NPAS3: variants seen among roughly 807,000 people sequenced by gnomAD.
NPAS3 encodes the protein neuronal PAS domain protein 3.
Under a neutral mutation model 73.1 loss-of-function variants are expected in NPAS3, and 14 were observed. That is an observed-to-expected ratio of 0.19 (90% CI 0.13 to 0.30). The LOEUF (loss-of-function observed/expected upper bound fraction) is 0.30, where lower values mean the gene tolerates loss of function less well. Among genes scored for constraint, NPAS3 ranks in the 10% least tolerant of loss-of-function variants. The pLI is 1.00. For synonymous variants in NPAS3, 620 were observed against 541.5 expected, an observed-to-expected ratio of 1.14 and a Z score of -2.01; for missense variants, 1,096 against 1,250.0, an observed-to-expected ratio of 0.88 and a Z score of 1.86.
chr14:33,270,767 G>A (rs570306661), intron 3 of NPAS3, among the ~76,000 whole-genome samples: 6 of 152,254 alleles, frequency 3.9e-5, no homozygotes, highest in African/African-American at 1.4e-4. Context: ...ACAACCATGA[G>A]TTATTTGACA....
chr14:33,466,611 G>A (rs2050536702), intron 4 of NPAS3, among the ~76,000 whole-genome samples: 1 of 152,180 alleles, frequency 6.6e-6, no homozygotes, highest in Non-Finnish European at 1.5e-5. Flanking sequence ...GGCTCACAGT[G>A]CTACAGGCCA....
chr14:33,347,273 A>G (rs2044785249), intron 3 of NPAS3, among the ~76,000 whole-genome samples: 1 of 152,228 alleles, frequency 6.6e-6, no homozygotes, highest in Admixed American at 6.5e-5. Flanking sequence ...ATAATATCAG[A>G]CACTGTATCA....
At chr14:33,509,778 C>G (rs898961093) in intron 4 of NPAS3, among the ~76,000 whole-genome samples, 2 of 152,056 alleles carry the variant, frequency 1.3e-5, no homozygotes, top group Non-Finnish European at 2.9e-5. Flanking sequence ...GGCATGACTT[C>G]TGAAAGCTCT....
intron 3 of NPAS3, among the ~76,000 whole-genome samples, chr14:33,363,926 G>GTGTGTGTGTGTC (rs1382745451): frequency 6.6e-6 from 1 of 150,758 alleles, no homozygotes; most frequent in African/African-American, 2.4e-5. Context: ...TGCCCTCTGT[G>GTGTGTGTGTGTC]TGTGTGTGTG....
At chr14:33,068,130 C>G in intron 2 of NPAS3, among the ~76,000 whole-genome samples, 1 of 152,186 alleles carries the variant, frequency 6.6e-6, no homozygotes, top group Non-Finnish European at 1.5e-5. Flanking sequence ...CCTTTCTGGG[C>G]TGCTTCATAA....
At chr14:33,235,496 C>T (rs181988584) in intron 3 of NPAS3, among the ~76,000 whole-genome samples, 98 of 152,066 alleles carry the variant, frequency 6.4e-4, no homozygotes, top group African/African-American at 1.9e-3. Flanking sequence ...CTTGACGAAT[C>T]CTCTTTGGTG....
At chr14:33,728,248 C>T (rs928596379) in intron 6 of NPAS3, among the ~76,000 whole-genome samples, 7 of 152,170 alleles carry the variant, frequency 4.6e-5, no homozygotes, top group African/African-American at 1.7e-4. Flanking sequence ...CAGATAGTCC[C>T]AGGGAGTTTA....
At chr14:33,548,726 A>G (rs1404359371) in intron 4 of NPAS3, among the ~76,000 whole-genome samples, 1 of 152,198 alleles carries the variant, frequency 6.6e-6, no homozygotes, top group East Asian at 1.9e-4. Flanking sequence ...AATGCACACT[A>G]AGTTATACCT....
At chr14:33,059,271 T>C (rs955490013) in intron 2 of NPAS3, among the ~76,000 whole-genome samples, 1 of 152,216 alleles carries the variant, frequency 6.6e-6, no homozygotes, top group Non-Finnish European at 1.5e-5. Flanking sequence ...TAGATTTTAT[T>C]GGTAATTATT....
chr14:33,630,268 G>A (rs576780365), intron 5 of NPAS3, among the ~76,000 whole-genome samples: 2 of 152,242 alleles, frequency 1.3e-5, no homozygotes, highest in African/African-American at 4.8e-5. Flanking sequence ...ACAACTTGTG[G>A]AAAAGCTCTG....
chr14:33,399,619 A>G (rs73260709), intron 4 of NPAS3, among the ~76,000 whole-genome samples: 3,350 of 151,930 alleles, frequency 0.022, 128 homozygotes, highest in African/African-American at 0.077. Flanking sequence ...CCTTTCTACA[A>G]TATTGTCCTG....
intron 4 of NPAS3, among the ~76,000 whole-genome samples, chr14:33,513,347 G>A (rs1256910801): frequency 6.6e-6 from 1 of 151,934 alleles, no homozygotes; most frequent in Non-Finnish European, 1.5e-5. Flanking sequence ...TTAGAATTCT[G>A]TTATAAGACT....
chr14:33,678,754 GAA>G (rs33960834), intron 6 of NPAS3, among the ~76,000 whole-genome samples: 1 of 146,330 alleles, frequency 6.8e-6, no homozygotes, highest in African/African-American at 2.5e-5. Flanking sequence ...GACTTTGGGA[GAA>G]AAAAAAAAAA....
At chr14:33,582,974 T>G (rs1463022154) in intron 5 of NPAS3, among the ~76,000 whole-genome samples, 9 of 145,952 alleles carry the variant, frequency 6.2e-5, no homozygotes, top group Admixed American at 5.4e-4. Flanking sequence ...TAAAGGGTTT[T>G]TTTTTTTTTT....
chr14:33,543,973 A>ATATATATATC (rs2054645303), intron 4 of NPAS3, among the ~76,000 whole-genome samples: 1 of 33,130 alleles, frequency 3.0e-5, no homozygotes, highest in Non-Finnish European at 4.9e-5. Flanking sequence ...ATATATATAT[A>ATATATATATC]TATATATATA....
intron 6 of NPAS3, among the ~76,000 whole-genome samples, chr14:33,705,041 T>C (rs2060620100): frequency 6.6e-6 from 1 of 152,208 alleles, no homozygotes; most frequent in South Asian, 2.1e-4. Context: ...ATTTATTGCA[T>C]CTCTTCCACT....
chr14:33,335,031 T>TGTGTGTGC (rs1555375954), intron 3 of NPAS3, among the ~76,000 whole-genome samples: 2 of 103,780 alleles, frequency 1.9e-5, no homozygotes, highest in African/African-American at 4.5e-5. Flanking sequence ...GGTATTCCAT[T>TGTGTGTGC]GTGTGTGTGT....
At chr14:33,514,406 T>A (rs898754222) in intron 4 of NPAS3, among the ~76,000 whole-genome samples, 1 of 152,018 alleles carries the variant, frequency 6.6e-6, no homozygotes, top group Non-Finnish European at 1.5e-5. Flanking sequence ...ATCCAGTTAT[T>A]CCTGCTTTGC....
chr14:33,625,297 T>C (rs1258148833), intron 5 of NPAS3, among the ~76,000 whole-genome samples: 1 of 152,226 alleles, frequency 6.6e-6, no homozygotes, highest in Admixed American at 6.5e-5. Context: ...CATAAAACCA[T>C]AGGCATAAAC....
Sources: allele counts gnomAD v4.1 joint callset (sites outside exome capture counted in the v4.1 genomes callset), GRCh38; gene constraint gnomAD v4.1.1; transcripts MANE v1.5; gene names NCBI Gene and HGNC (gene_info 2026-07-23, HGNC 2026-07-21).